TPRKB: variants seen among roughly 807,000 people sequenced by gnomAD.
TPRKB encodes the protein TP53RK binding protein.
A neutral mutation model predicts 17.8 loss-of-function variants in TPRKB; 11 were observed. The observed-to-expected ratio is 0.62, with a 90% CI of 0.39 to 1.02. TPRKB has a LOEUF of 1.02. TPRKB is among the 50% of genes least tolerant of loss of function. The pLI is 0.00. For missense variants in TPRKB, 228 were observed against 198.0 expected (o/e 1.15, Z -0.91); for synonymous variants, 71 against 69.5 (o/e 1.02, Z -0.11).
Position 73,730,623 on chromosome 2 carries a change from T to TA in TPRKB, c.377dup (p.Glu127ArgfsTer12). The TA allele has an allele frequency of 6.3e-7, 1 of 1,595,264 alleles. No individual in the cohort carries two copies. The highest frequency in any genetic ancestry group is 8.5e-7 in the Non-Finnish European group (1 of 1,173,212). ...TTTTCAGAGAAACCTGATGACCTTC[T>TA]ACTTGAGATATTAGGTATTCTTGAT... On this transcript the variant is annotated frameshift_variant, in exon 4 of 5. Transcript: ENST00000272424. LOFTEE classifies it high-confidence loss of function.
intron 3 of TPRKB, 115 bp downstream of exon 3, chr2:73,732,048 A>C (rs1671635284): frequency 8.6e-7 from 1 of 1,163,546 alleles, no homozygotes; most frequent in Non-Finnish European, 1.2e-6. Context: ...TCTCTTCACT[A>C]TTATTTGGGT....
chr2:73,734,704 G>C, intron 1 of TPRKB, 113 bp from the exon 2 acceptor site: 1 of 1,002,166 alleles, frequency 1.0e-6, no homozygotes, highest in Non-Finnish European at 1.4e-6. Flanking sequence ...TGTTAAACTA[G>C]AAAAATCCAT....
intron 2 of TPRKB, chr2:73,732,539 T>TGA (rs370308108): frequency 2.6e-6 from 1 of 377,960 alleles, no homozygotes; most frequent in African/African-American, 2.3e-5. Flanking sequence ...GGCGAAACCC[T>TGA]CTCTACTAAA....
intron 3 of TPRKB, among the ~76,000 whole-genome samples, chr2:73,731,531 C>T (rs1362091385): frequency 6.6e-6 from 1 of 152,230 alleles, no homozygotes; most frequent in Non-Finnish European, 1.5e-5. Flanking sequence ...ACCTATGCTA[C>T]AGGTTTCCTG....
chr2:73,732,187 A>G lies in TPRKB; in HGVS notation c.240T>C (p.Ile80=), dbSNP rs759504703. The part of the protein sequence containing the change: ...MKTRTLSTEI[I]FNLSPNNNIS... ...CATTGTTATTTGGGGAAAGGTTGAA[A>G]ATAATTTCAGTAGATAGAGTTCTTG... Residue 80 remains isoleucine, a synonymous_variant, in exon 3 of 5, where the codon ATT becomes ATC. Coordinates refer to ENST00000272424, the MANE Select transcript of TPRKB (RefSeq NM_016058.5). 6.2e-7 allele frequency: 1 copy of G among 1,613,746 alleles called. No individual in the cohort carries two copies. Among genetic ancestry groups the G allele is most frequent in the Admixed American group, 1.7e-5 (1 of 59,900 alleles).
intron 3 of TPRKB, 43 bp downstream of exon 3, chr2:73,732,120 G>C: frequency 6.3e-7 from 1 of 1,596,168 alleles, no homozygotes; most frequent in Non-Finnish European, 8.5e-7. Flanking sequence ...GAACACATAT[G>C]TTATTATGAC....
intron 1 of TPRKB, among the ~76,000 whole-genome samples, chr2:73,734,847 C>A (rs1323974892): frequency 6.6e-6 from 1 of 152,190 alleles, no homozygotes; most frequent in African/African-American, 2.4e-5. Flanking sequence ...GGCTCAGGTG[C>A]ATGGTTGAAG....
Position 73,732,246 on chromosome 2 carries a change from C to A in TPRKB, c.181G>T (p.Ala61Ser), listed in dbSNP as rs760441655. The change falls in exon 3 of 5, where the codon GCA (alanine) becomes TCA (serine). Residue 61 changes from alanine (A) to serine (S), a missense_variant. By Grantham distance (99) the Ala-to-Ser change is moderately conservative. Coordinates refer to ENST00000272424, the MANE Select transcript of TPRKB (RefSeq NM_016058.5). ...PFQILVAANK[A>S]VHLYKLGKMK... ...TTTCCCAGTTTGTAGAGGTGAACTG[C>A]TTTGTTTGCTGCCACAAGTATCTGA... 1 of 1,613,942 alleles carries A rather than the reference C, an allele frequency of 6.2e-7. No homozygotes were observed.
chr2:73,730,679 C>CAATT lies in TPRKB; in HGVS notation c.318_321dup (p.Val108AsnfsTer5). On this transcript the variant is annotated frameshift_variant, in exon 4 of 5. Transcript: ENST00000272424. LOFTEE classifies it high-confidence loss of function. ...TGTTTTTCTCCCTCTTCAATGTAAACAATTAGAATTGAAGTGTCATTTGCT... is the reference window on the plus strand; with the variant it reads ...TGTTTTTCTCCCTCTTCAATGTAAACAATTAATTAGAATTGAAGTGTCATTTGCT... The CAATT allele has an allele frequency of 1.9e-6, 3 of 1,564,742 alleles. No homozygotes were observed. The highest frequency in any genetic ancestry group is 2.6e-6 in the Non-Finnish European group (3 of 1,162,318).
chr2:73,729,935 C>G lies in TPRKB; in HGVS notation c.*8G>C. 1 of 1,516,942 alleles carries G rather than the reference C, an allele frequency of 6.6e-7. No individual in the cohort carries two copies. Among genetic ancestry groups the G allele is most frequent in the Non-Finnish European group, 8.9e-7 (1 of 1,124,260 alleles). The allele number at this position is 1,516,942 out of a possible 1,614,324, so 94.0% of individuals were successfully genotyped here. Reference sequence around the variant, plus strand: ...ATGCTGAGAATTTTTGTTAATATTTCTGACATTTCATAAAACATCTTTTGT... The same window carrying G: ...ATGCTGAGAATTTTTGTTAATATTTGTGACATTTCATAAAACATCTTTTGT... On this transcript the variant is annotated 3_prime_UTR_variant, in exon 5 of 5. Coordinates refer to ENST00000272424, the MANE Select transcript of TPRKB (RefSeq NM_016058.5).
At chr2:73,730,162 G>T in intron 4 of TPRKB, 133 bp from the exon 5 acceptor site, 1 of 1,078,768 alleles carries the variant, frequency 9.3e-7, no homozygotes, top group Non-Finnish European at 1.3e-6. Flanking sequence ...CAACAAATGT[G>T]ATTAAAATAT....
chr2:73,730,349 G>A, intron 4 of TPRKB: 3 of 456,734 alleles, frequency 6.6e-6, no homozygotes, highest in Middle Eastern at 5.6e-4. Context: ...TTAATGTGGA[G>A]AATGGTTATG....
chr2:73,733,738 G>A (rs1222514230), intron 2 of TPRKB, among the ~76,000 whole-genome samples: 3 of 151,470 alleles, frequency 2.0e-5, no homozygotes, highest in African/African-American at 4.9e-5. Context: ...TTCCCTAACC[G>A]TGACAGATTT....
intron 2 of TPRKB, among the ~76,000 whole-genome samples, chr2:73,733,269 T>TTTG (rs70965751): frequency 6.8e-6 from 1 of 147,532 alleles, no homozygotes; most frequent in South Asian, 2.2e-4. Context: ...TTTTTTTTTT[T>TTTG]GGAGACAGAC....
At position 73,730,665 on chromosome 2, in the gene TPRKB, C is replaced by G. The variant is rs752643514; in HGVS notation, c.336G>C (p.Glu112Asp). ...DTSILIVYIE[E>D]GEKQINQEYL... ...ATTCTTGATTTATTTGTTTTTCTCC[C>G]TCTTCAATGTAAACAATTAGAATTG... is the stretch of plus-strand genomic sequence containing the variant. The change falls in exon 4 of 5, where the codon GAG becomes GAC. Residue 112 changes from glutamate (E) to aspartate (D), a missense_variant. Coordinates refer to ENST00000272424, the MANE Select transcript of TPRKB (RefSeq NM_016058.5). 2.5e-6 allele frequency: 4 copies of G among 1,585,428 alleles called. No individual in the cohort carries two copies. The Admixed American group carries it at 7.4e-5, about 29-fold the overall frequency.
At chr2:73,731,916 C>T (rs1671629012) in intron 3 of TPRKB, 1 of 318,194 alleles carries the variant, frequency 3.1e-6, no homozygotes, top group Admixed American at 4.7e-5. Flanking sequence ...AGGGGTCTTC[C>T]TGACCCTATA....
At chr2:73,733,980 G>GT (rs1004992262) in intron 2 of TPRKB, among the ~76,000 whole-genome samples, 10 of 151,600 alleles carry the variant, frequency 6.6e-5, no homozygotes, top group African/African-American at 2.4e-4. Context: ...GCTAATTTTT[G>GT]TATTTTTAGT....
chr2:73,733,533 C>T (rs1671732762), intron 2 of TPRKB, among the ~76,000 whole-genome samples: 1 of 151,904 alleles, frequency 6.6e-6, no homozygotes, highest in African/African-American at 2.4e-5. Context: ...TACTCTTAAC[C>T]ACTACACTAT....
At chr2:73,732,597 A>AACTC (rs1358635008) in intron 2 of TPRKB, 8 of 239,260 alleles carry the variant, frequency 3.3e-5, no homozygotes, top group Admixed American at 2.1e-4. Context: ...TAATCCCAGC[A>AACTC]ACTCAGGAGG....
Sources: gnomAD v4.1 joint callset for allele counts (sites outside exome capture counted in the v4.1 genomes callset) on GRCh38, gnomAD v4.1.1 for gene constraint, MANE v1.5 for transcripts, NCBI Gene and HGNC (gene_info 2026-07-23, HGNC 2026-07-21) for gene names.